The following BCL7C variants were observed in gnomAD, a reference collection of about 807,000 sequenced individuals.
BCL7C encodes the protein BAF chromatin remodeling complex subunit BCL7C.
BCL7C carries 8 observed loss-of-function variants against 26.2 expected under a neutral mutation model. The observed-to-expected ratio is 0.30, with a 90% CI of 0.18 to 0.55. BCL7C has a LOEUF of 0.55. Ranked by LOEUF, BCL7C falls within the 20% of genes least tolerant of loss-of-function variation. BCL7C has a pLI of 0.93. For synonymous variants in BCL7C, 90 were observed against 116.5 expected (o/e 0.77, Z 1.47); for missense variants, 262 against 298.5 (o/e 0.88, Z 0.90).
At chr16:30,866,997 T>C (rs2054835326) in intron 5 of BCL7C, among the ~76,000 whole-genome samples, 1 of 152,186 alleles carries the variant, frequency 6.6e-6, no homozygotes, top group Non-Finnish European at 1.5e-5. Flanking sequence ...GAGGCTACAG[T>C]GAGCTACAAT....
intron 5 of BCL7C, among the ~76,000 whole-genome samples, chr16:30,882,502 T>C (rs1473858065): frequency 6.6e-6 from 1 of 152,082 alleles, no homozygotes; most frequent in Non-Finnish European, 1.5e-5. Flanking sequence ...ACTTGAAAAC[T>C]GCTTTGGCAT....
intron 5 of BCL7C, among the ~76,000 whole-genome samples, chr16:30,838,502 G>A (rs1450899710): frequency 2.6e-5 from 4 of 152,192 alleles, no homozygotes; most frequent in Non-Finnish European, 5.9e-5. Flanking sequence ...AACAGATTAG[G>A]CCAGGCGCAG....
chr16:30,873,805 C>G (rs925061621), intron 5 of BCL7C, among the ~76,000 whole-genome samples: 2 of 144,406 alleles, frequency 1.4e-5, no homozygotes, highest in Non-Finnish European at 3.0e-5. Flanking sequence ...GAGCCGAGAT[C>G]GAGTCCCTGC....
intron 5 of BCL7C, 73 bp from the exon 6 acceptor site, chr16:30,888,063 C>A: frequency 1.3e-6 from 2 of 1,483,324 alleles, no homozygotes; most frequent in Non-Finnish European, 9.1e-7. Flanking sequence ...CTGCCTTCTC[C>A]AAAGCCTCCA....
At chr16:30,849,818 G>C (rs1055266311) in intron 5 of BCL7C, among the ~76,000 whole-genome samples, 48 of 150,216 alleles carry the variant, frequency 3.2e-4, no homozygotes, top group African/African-American at 1.1e-3. Context: ...TGAATGGTAC[G>C]ATCGCAGCTC....
At chr16:30,842,169 A>T (rs937058035) in intron 5 of BCL7C, among the ~76,000 whole-genome samples, 13 of 152,256 alleles carry the variant, frequency 8.5e-5, no homozygotes, top group Non-Finnish European at 2.9e-5. Context: ...TGGTACACTT[A>T]AGAGGAAATT....
rs2055212916 is a variant in BCL7C, at chr16:30,890,667, T to C, written c.443-1722A>G. On this transcript the variant is annotated intron_variant, in intron 4 of 5. Transcript: ENST00000215115. ...GGGTACGAGACTAGCCAGGCCAACA[T>C]GGTGAAACTCCATCTTTACTAAAAA... is the stretch of plus-strand genomic sequence containing the variant. Among the ~76,000 whole-genome samples the C allele has an allele frequency of 5.9e-5, 9 of 151,570 alleles. No individual in the cohort carries two copies. The South Asian group carries it at 1.9e-3, about 31-fold the overall frequency.
Position 30,893,302 on chromosome 16 carries a change from T to C in BCL7C, c.93-12A>G. The C allele has an allele frequency of 6.2e-7, 1 of 1,610,438 alleles. No homozygotes were observed. The highest frequency in any genetic ancestry group is 8.5e-7 in the Non-Finnish European group (1 of 1,177,938). On this transcript the variant is annotated splice_polypyrimidine_tract_variant and intron_variant, in intron 1 of 5. Coordinates refer to ENST00000215115, the MANE Select transcript of BCL7C (RefSeq NM_004765.4). The surrounding 1 kb of genome is among the most constrained non-coding windows in gnomAD (Gnocchi z 5.2). ...CCCATCGCTTCTCCCTGTGGGAGGG[T>C]GGGGGGCTGGGTCAGAGAGGCCTGA...
At chr16:30,868,102 C>T (rs1596599894) in intron 5 of BCL7C, among the ~76,000 whole-genome samples, 2 of 149,666 alleles carry the variant, frequency 1.3e-5, no homozygotes, top group Non-Finnish European at 1.5e-5. Context: ...TTCAGACCTA[C>T]GGAATTGTAA....
intron 5 of BCL7C, among the ~76,000 whole-genome samples, chr16:30,873,838 T>G (rs12928081): frequency 0.78 from 105,041 of 134,276 alleles, 40,086 homozygotes; most frequent in East Asian, 0.92. Context: ...GCCACAGAGC[T>G]ACACTGTCTC....
At chr16:30,860,295 C>T (rs1187869107) in intron 5 of BCL7C, among the ~76,000 whole-genome samples, 2 of 152,164 alleles carry the variant, frequency 1.3e-5, no homozygotes, top group African/African-American at 4.8e-5. Context: ...GGATGTCTGC[C>T]TTGGTCATTC....
intron 5 of BCL7C, among the ~76,000 whole-genome samples, chr16:30,871,178 C>T (rs2054879296): frequency 6.6e-6 from 1 of 152,140 alleles, no homozygotes; most frequent in Admixed American, 6.6e-5. Context: ...CCCAACTCTG[C>T]TTCCCAAGTA....
At chr16:30,872,004 T>G (rs1268414157) in intron 5 of BCL7C, among the ~76,000 whole-genome samples, 1 of 152,190 alleles carries the variant, frequency 6.6e-6, no homozygotes, top group East Asian at 1.9e-4. Context: ...TTGTTTTGCT[T>G]ATCTTCTATA....
chr16:30,873,397 G>A (rs1392059367), intron 5 of BCL7C, among the ~76,000 whole-genome samples: 1 of 152,154 alleles, frequency 6.6e-6, no homozygotes, highest in Non-Finnish European at 1.5e-5. Flanking sequence ...CTGTTAATGG[G>A]TATGGTTTCT....
At chr16:30,891,582 A>G (rs2055237747) in intron 4 of BCL7C, among the ~76,000 whole-genome samples, 1 of 152,194 alleles carries the variant, frequency 6.6e-6, no homozygotes, top group South Asian at 2.1e-4. Flanking sequence ...AATCACCCCT[A>G]TGACTATCAC....
rs903800433 is a variant in BCL7C at position 30,893,110 on chromosome 16, T to A, written c.171+102A>T. The A allele has an allele frequency of 4.3e-5, 57 of 1,325,108 alleles. No individual in the cohort carries two copies. The highest frequency in any genetic ancestry group is 7.9e-5 in the Admixed American group (4 of 50,468). 82.1% of individuals were successfully genotyped at this position (1,325,108 alleles called of 1,614,324 possible). A position where few individuals can be genotyped will look rare whatever the true frequency, so the allele number is the denominator to read the frequency against. On this transcript the variant is annotated intron_variant, in intron 2 of 5. Transcript: ENST00000215115. This position sits in a 1 kb window ranked among gnomAD's most constrained non-coding sequence, Gnocchi z 5.2. ...TAATGATGGTTCCCGTCTGTCCTGC[T>A]GCATCTGAGGTCTCGGGGAGCTGGA...
At chr16:30,851,503 A>G in intron 5 of BCL7C, 2 of 236,454 alleles carry the variant, frequency 8.5e-6, no homozygotes, top group Non-Finnish European at 1.7e-5. Context: ...GCCTCCCAAA[A>G]TGTTGGGATT....
chr16:30,841,769 C>T lies in BCL7C; in HGVS notation c.529-6621G>A, dbSNP rs371164623. ...AGGAGATCAAGACCATCCTGGCTAA[C>T]ATGGTGAAACCCCATCTCTACTAAA... On this transcript the variant is annotated intron_variant, in intron 5 of 5. Coordinates refer to the BCL7C transcript ENST00000380317. Among the ~76,000 whole-genome samples, 49 of 152,100 alleles carry T rather than the reference C, an allele frequency of 3.2e-4. 1 individual carries two copies. Among genetic ancestry groups the T allele is most frequent in the African/African-American group, 1.2e-3 (48 of 41,492 alleles).
chr16:30,886,164 G>T (rs1422895596), downstream of BCL7C, among the ~76,000 whole-genome samples: 1 of 152,068 alleles, frequency 6.6e-6, no homozygotes, highest in Non-Finnish European at 1.5e-5. Flanking sequence ...CTTCTTTAAA[G>T]TTCCAATTTG....
Sources: gnomAD v4.1 joint callset for allele counts (sites outside exome capture counted in the v4.1 genomes callset) on GRCh38, gnomAD v4.1.1 for gene constraint, Gnocchi (gnomAD v3.1) non-coding constraint, MANE v1.5 for transcripts, NCBI Gene and HGNC (gene_info 2026-07-23, HGNC 2026-07-21) for gene names.